The following FAT4 variants were observed in gnomAD, a reference collection of about 807,000 sequenced individuals.
FAT4 encodes the protein FAT atypical cadherin 4, also known as protocadherin Fat 4.
FAT4 carries 84 observed loss-of-function variants against 303.9 expected under a neutral mutation model. The ratio of observed to expected loss-of-function variants is 0.28; its 90% CI spans 0.23 to 0.33. The LOEUF (loss-of-function observed/expected upper bound fraction) is 0.33, where lower values mean the gene tolerates loss of function less well. Among genes scored for constraint, FAT4 ranks in the 10% least tolerant of loss-of-function variants. The probability of loss-of-function intolerance (pLI) is 1.00; values close to 1 mark genes in which losing one functional copy is unlikely to be tolerated. For synonymous variants in FAT4, 2,307 were observed against 2,298.8 expected, an observed-to-expected ratio of 1.00 and a Z score of -0.10; for missense variants, 6,005 against 6,146.8, an observed-to-expected ratio of 0.98 and a Z score of 0.77.
chr4:125,402,685 G>GA (rs1196361831), intron 3 of FAT4, among the ~76,000 whole-genome samples: 1 of 151,858 alleles, frequency 6.6e-6, no homozygotes, highest in Non-Finnish European at 1.5e-5. Flanking sequence ...GACCATGAAG[G>GA]AAAAAATGTA....
chr4:125,448,059 T>C (rs7666162), intron 9 of FAT4, among the ~76,000 whole-genome samples: 16,798 of 152,142 alleles, frequency 0.11, 1,162 homozygotes, highest in Middle Eastern at 0.19. Flanking sequence ...AGAGCAACGG[T>C]ATCATTGCAT....
intron 9 of FAT4, 143 bp from the exon 10 acceptor site, chr4:125,448,318 A>C (rs1725899310): frequency 1.4e-6 from 1 of 725,814 alleles, no homozygotes; most frequent in Admixed American, 3.0e-5. Context: ...CGGAGAAAAT[A>C]TAGGAGATAC....
intron 7 of FAT4, among the ~76,000 whole-genome samples, chr4:125,422,145 C>T (rs1379437422): frequency 6.6e-6 from 1 of 151,824 alleles, no homozygotes; most frequent in African/African-American, 2.4e-5. Context: ...TGAAAATAAG[C>T]TTAAATTTAG....
At chr4:125,398,947 C>G (rs375600826) in intron 3 of FAT4, 32 bp downstream of exon 3, 1 of 1,607,672 alleles carries the variant, frequency 6.2e-7, no homozygotes, top group African/African-American at 1.3e-5. Flanking sequence ...ATTTGTGAAA[C>G]TTCGTAGTGC....
Position 125,321,361 on chromosome 4 carries a change from A to G in FAT4, c.4950A>G (p.Ser1650=), listed in dbSNP as rs1371096222. The change falls in exon 2 of 18, where the codon TCA becomes TCG. Residue 1650 remains serine, a synonymous_variant. Coordinates refer to ENST00000394329, the MANE Select transcript of FAT4 (RefSeq NM_001291303.3). Reference sequence around the variant, plus strand: ...AACCCATTGGCACAAACGTGATATCAATAGAAGCAGCTAGCCCCAGAGGAT... The same window carrying G: ...AACCCATTGGCACAAACGTGATATCGATAGAAGCAGCTAGCCCCAGAGGAT... ...EGEPIGTNVI[S]IEAASPRGSE... 6.2e-7 allele frequency: 1 copy of G among 1,614,158 alleles called. No individual in the cohort carries two copies. The highest frequency in any genetic ancestry group is 8.5e-7 in the Non-Finnish European group (1 of 1,179,984).
intron 15 of FAT4, among the ~76,000 whole-genome samples, chr4:125,481,035 G>C (rs1453350101): frequency 6.6e-6 from 1 of 151,866 alleles, no homozygotes; most frequent in African/African-American, 2.4e-5. Context: ...TAAATTATAT[G>C]TGATGATTAC....
In FAT4 at chr4:125,490,190, G is replaced by A. The variant is rs961260881; in HGVS notation, c.13374G>A (p.Ser4458=). ...GCTTCACCTGTAGCTGCCCAGACTC[G>A]CACACGGGAAGGACCTGTGAGATGG... ...HSGFTCSCPD[S]HTGRTCEMVV... Residue 4458 remains serine, a synonymous_variant, in exon 18 of 18, where the codon TCG becomes TCA. Transcript: ENST00000394329. 8.7e-6 allele frequency: 14 copies of A among 1,613,986 alleles called. No individual in the cohort carries two copies. The highest frequency in any genetic ancestry group is 8.0e-5 in the African/African-American group (6 of 74,910).
intron 2 of FAT4, among the ~76,000 whole-genome samples, chr4:125,396,952 ATATATATATATAT>A (rs1560797477): frequency 8.8e-5 from 10 of 113,324 alleles, no homozygotes; most frequent in African/African-American, 2.1e-4. Flanking sequence ...ATATATATAT[ATATATATATATAT>A]AAAATATGTA....
intron 11 of FAT4, among the ~76,000 whole-genome samples, chr4:125,466,780 T>C (rs1282206248): frequency 6.7e-6 from 1 of 149,342 alleles, no homozygotes; most frequent in Non-Finnish European, 1.5e-5. Flanking sequence ...ATAATTTCTT[T>C]TTTTTTTTTT....
At chr4:125,407,720 T>A (rs977065138) in intron 4 of FAT4, among the ~76,000 whole-genome samples, 8 of 152,158 alleles carry the variant, frequency 5.3e-5, no homozygotes, top group African/African-American at 1.9e-4. Context: ...AATTATAATC[T>A]TGCTTCTTTG....
Position 125,450,254 on chromosome 4 carries a change from A to G in FAT4, c.9244A>G (p.Thr3082Ala). ...SSQATVHITV[T>A]EENYHTPEFS... ...CCAAGCAACTGTTCACATAACTGTCACTGAGGAAAACTACCATACACCTGA... is the reference window on the plus strand; with the variant it reads ...CCAAGCAACTGTTCACATAACTGTCGCTGAGGAAAACTACCATACACCTGA... The change falls in exon 10 of 18, where the codon ACT (threonine) becomes GCT (alanine). Residue 3082 changes from threonine to alanine, a missense_variant. Physicochemically the swap from Thr to Ala is moderately conservative, Grantham distance 58. Coordinates refer to ENST00000394329, the MANE Select transcript of FAT4 (RefSeq NM_001291303.3). 1 of 1,614,122 alleles carries G rather than the reference A, an allele frequency of 6.2e-7. No individual in the cohort carries two copies. Among genetic ancestry groups the G allele is most frequent in the Non-Finnish European group, 8.5e-7 (1 of 1,180,012 alleles).
intron 2 of FAT4, among the ~76,000 whole-genome samples, chr4:125,368,050 G>C (rs1321594082): frequency 6.6e-6 from 1 of 152,008 alleles, no homozygotes; most frequent in Admixed American, 6.6e-5. Flanking sequence ...AGGCAATTTA[G>C]TATTTGTTAC....
At position 125,417,626 on chromosome 4, in the gene FAT4, A is replaced by C. The variant is rs1397062391; in HGVS notation, c.7018+1004A>C. On this transcript the variant is annotated intron_variant, in intron 7 of 17. Coordinates refer to ENST00000394329, the MANE Select transcript of FAT4 (RefSeq NM_001291303.3). Reference sequence around the variant, plus strand: ...GGTGAGCAATCAGATTATCAGTAACATTATGATATGTGGAAGCCTGTCACT... The same window carrying C: ...GGTGAGCAATCAGATTATCAGTAACCTTATGATATGTGGAAGCCTGTCACT... Among the ~76,000 whole-genome samples the C allele has an allele frequency of 2.0e-5, 3 of 152,188 alleles. No individual in the cohort carries two copies. In the South Asian group the frequency reaches 6.2e-4, roughly 31 times the overall value.
rs901365637 is a variant in FAT4 at position 125,491,608 on chromosome 4, A to T, written c.14792A>T (p.Asn4931Ile). The stretch of plus-strand genomic sequence containing the variant: ...CTAGGGCAGCAAGCAGGGACTTTCA[A>T]CTGGGACAACCTTTTGAACTGGGGC... ...MKLGQQAGTFNWDNLLNWGPG... is the reference protein window; with the variant it reads ...MKLGQQAGTFIWDNLLNWGPG... The change falls in exon 18 of 18, where the codon AAC becomes ATC. Residue 4931 changes from asparagine to isoleucine, a missense_variant. Physicochemically the swap from Asn to Ile is moderately radical, Grantham distance 149. Transcript: ENST00000394329. 1.9e-6 allele frequency: 3 copies of T among 1,614,190 alleles called. No homozygotes were observed. The highest frequency in any genetic ancestry group is 2.5e-6 in the Non-Finnish European group (3 of 1,180,020).
At chr4:125,412,129 G>GA (rs1030308572) in intron 5 of FAT4, among the ~76,000 whole-genome samples, 3 of 151,544 alleles carry the variant, frequency 2.0e-5, no homozygotes, top group African/African-American at 7.3e-5. Flanking sequence ...TGAAAAAATA[G>GA]AAAAAAATGG....
Position 125,451,528 on chromosome 4 carries a change from T to G in FAT4, c.10518T>G (p.Asn3506Lys). ...ASLLVTLEDI[N>K]DNGPMLTVSE... ...TATTAGTCACCCTGGAAGATATAAA[T>G]GATAACGGGCCCATGCTGACTGTCA... is the stretch of plus-strand genomic sequence containing the variant. The change falls in exon 10 of 18, where the codon AAT becomes AAG. Residue 3506 changes from asparagine (N) to lysine (K), a missense_variant. Coordinates refer to ENST00000394329, the MANE Select transcript of FAT4 (RefSeq NM_001291303.3). 6.2e-7 allele frequency: 1 copy of G among 1,614,106 alleles called. No individual in the cohort carries two copies. The highest frequency in any genetic ancestry group is 8.5e-7 in the Non-Finnish European group (1 of 1,180,012).
intron 2 of FAT4, among the ~76,000 whole-genome samples, chr4:125,389,628 C>A (rs1286772780): frequency 1.3e-5 from 2 of 152,054 alleles, no homozygotes; most frequent in African/African-American, 4.8e-5. Context: ...CCATATAGCT[C>A]TGGCCAGTCT....
At chr4:125,359,155 C>T (rs1362468415) in intron 2 of FAT4, among the ~76,000 whole-genome samples, 1 of 152,128 alleles carries the variant, frequency 6.6e-6, no homozygotes, top group East Asian at 1.9e-4. Flanking sequence ...CATAGTAGCA[C>T]ATTTAATGCC....
chr4:125,385,707 A>T (rs979106151), intron 2 of FAT4, among the ~76,000 whole-genome samples: 5 of 152,138 alleles, frequency 3.3e-5, no homozygotes, highest in African/African-American at 1.2e-4. Flanking sequence ...GGCTTTTTCC[A>T]TTACTCTGGA....
Sources: gnomAD v4.1 joint callset for allele counts (sites outside exome capture counted in the v4.1 genomes callset) on GRCh38, gnomAD v4.1.1 for gene constraint, MANE v1.5 for transcripts, NCBI Gene and HGNC (gene_info 2026-07-23, HGNC 2026-07-21) for gene names.